Variants in PTPRG observed in about 807,000 individuals in gnomAD.
PTPRG encodes receptor-type tyrosine-protein phosphatase gamma.
A neutral mutation model predicts 165.3 loss-of-function variants in PTPRG; 102 were observed. The observed-to-expected ratio is 0.62, with a 90% CI of 0.53 to 0.73. The LOEUF (loss-of-function observed/expected upper bound fraction) is 0.73. Among genes scored for constraint, PTPRG ranks in the 30% least tolerant of loss-of-function variants. The pLI is 0.00. For synonymous variants in PTPRG, 675 were observed against 669.5 expected (o/e 1.01, Z -0.13); for missense variants, 1,866 against 1,861.4 (o/e 1.00, Z -0.05).
At chr3:61,657,031 T>C (rs535092587) in intron 1 of PTPRG, among the ~76,000 whole-genome samples, 6 of 152,312 alleles carry the variant, frequency 3.9e-5, no homozygotes, top group Middle Eastern at 3.4e-3. Flanking sequence ...AGCATATTTA[T>C]TGAATATCAG....
chr3:62,262,934 A>AT, intron 17 of PTPRG, 40 bp downstream of exon 17: 1 of 1,480,708 alleles, frequency 6.8e-7, no homozygotes, highest in Non-Finnish European at 9.4e-7. Context: ...CTGCGAGGAA[A>AT]TTAAATTTTC....
At chr3:62,279,964 CAT>C (rs1702372231) in intron 26 of PTPRG, among the ~76,000 whole-genome samples, 1 of 152,002 alleles carries the variant, frequency 6.6e-6, no homozygotes, top group African/African-American at 2.4e-5. Context: ...TGGTGTACAT[CAT>C]AATCATATTT....
At chr3:61,637,810 T>G (rs760118919) in intron 1 of PTPRG, among the ~76,000 whole-genome samples, 1 of 152,164 alleles carries the variant, frequency 6.6e-6, no homozygotes, top group Non-Finnish European at 1.5e-5. Flanking sequence ...CCCAGGAAAC[T>G]CCTGCCTACA....
chr3:61,609,454 A>T (rs1701105541), intron 1 of PTPRG, among the ~76,000 whole-genome samples: 1 of 152,224 alleles, frequency 6.6e-6, no homozygotes. Flanking sequence ...ATGTGGTATC[A>T]TCCACAGTTT....
At chr3:61,591,290 A>G (rs370480358) in intron 1 of PTPRG, among the ~76,000 whole-genome samples, 3 of 152,184 alleles carry the variant, frequency 2.0e-5, no homozygotes, top group Non-Finnish European at 4.4e-5. Context: ...ATGGTACTGG[A>G]TACCCGAGGG....
chr3:61,892,975 A>AT (rs2038258419), intron 2 of PTPRG, among the ~76,000 whole-genome samples: 8 of 152,226 alleles, frequency 5.3e-5, no homozygotes, highest in Admixed American at 4.6e-4. Flanking sequence ...ACAATACAGC[A>AT]TAAGAATCAA....
intron 3 of PTPRG, among the ~76,000 whole-genome samples, chr3:62,002,614 T>A (rs943159826): frequency 1.3e-5 from 2 of 152,188 alleles, no homozygotes; most frequent in Non-Finnish European, 2.9e-5. Context: ...AAATTTAGGG[T>A]TGGAATTTAG....
intron 4 of PTPRG, among the ~76,000 whole-genome samples, chr3:62,059,473 T>C (rs1477541090): frequency 2.0e-5 from 3 of 152,338 alleles, no homozygotes; most frequent in African/African-American, 7.2e-5. Context: ...AGACCTGGTA[T>C]GAAAGACATT....
intron 2 of PTPRG, among the ~76,000 whole-genome samples, chr3:61,807,933 A>G (rs969596027): frequency 1.3e-5 from 2 of 152,222 alleles, no homozygotes; most frequent in Admixed American, 6.5e-5. Flanking sequence ...ATATGGTTCA[A>G]CAAAGGCTCG....
intron 5 of PTPRG, among the ~76,000 whole-genome samples, chr3:62,080,061 CA>C (rs771252601): frequency 0.11 from 11,993 of 111,430 alleles, 1,122 homozygotes; most frequent in South Asian, 0.23. Context: ...CCCTTCGGTT[CA>C]TTTTTTTTTT....
At chr3:61,936,571 G>A (rs765161737) in intron 2 of PTPRG, among the ~76,000 whole-genome samples, 40 of 152,146 alleles carry the variant, frequency 2.6e-4, no homozygotes, top group South Asian at 8.3e-4. Flanking sequence ...TCGGTCTGCT[G>A]GAGGTACAGA....
intron 2 of PTPRG, among the ~76,000 whole-genome samples, chr3:61,870,149 C>A (rs1463953222): frequency 6.6e-6 from 1 of 151,418 alleles, no homozygotes; most frequent in African/African-American, 2.5e-5. Context: ...TATGAAATGC[C>A]CAGCATTATT....
chr3:61,923,923 C>G (rs1000501790), intron 2 of PTPRG, among the ~76,000 whole-genome samples: 6 of 152,032 alleles, frequency 3.9e-5, no homozygotes, highest in Non-Finnish European at 2.9e-5. Context: ...GTAAACGATT[C>G]ATCTTCGAGA....
At chr3:62,122,187 G>A (rs1039234270) in intron 5 of PTPRG, among the ~76,000 whole-genome samples, 1 of 152,132 alleles carries the variant, frequency 6.6e-6, no homozygotes, top group East Asian at 1.9e-4. Context: ...CAAATGCTCC[G>A]ACAGCTTTAA....
At chr3:61,816,998 A>G (rs1173272742) in intron 2 of PTPRG, among the ~76,000 whole-genome samples, 1 of 125,304 alleles carries the variant, frequency 8.0e-6, no homozygotes, top group Non-Finnish European at 1.6e-5. Flanking sequence ...TATATATATT[A>G]TATAATATAA....
Position 62,203,845 on chromosome 3 carries a change from C to G in PTPRG, c.2050C>G (p.Gln684Glu). 1 of 1,614,164 alleles carries G rather than the reference C, an allele frequency of 6.2e-7. No individual in the cohort carries two copies. The highest frequency in any genetic ancestry group is 1.1e-5 in the South Asian group (1 of 91,082). ...AGTGCCCCCCACCGCCACAGAGGAG[C>G]AGTATGCAGGGAGTGATCCCAAGAG... ...TQVPPTATEE[Q>E]YAGSDPKRPE... Residue 684 changes from glutamine to glutamate, a missense_variant, in exon 12 of 30, where the codon CAG becomes GAG. Transcript: ENST00000474889. This position sits in a 1 kb window ranked among gnomAD's most constrained non-coding sequence, Gnocchi z 6.4.
Position 61,567,951 on chromosome 3 carries a change from G to GT in PTPRG, c.85+5580dup, listed in dbSNP as rs200813375. ...ACTGCTCTCCAGCCTGGGCGACATA[G>GT]TGAGACCCTGCCTCAAAAAAAAAAA... On this transcript the variant is annotated intron_variant, in intron 1 of 29. Transcript: ENST00000474889. Among the ~76,000 whole-genome samples the GT allele has an allele frequency of 1.0e-3, 132 of 131,406 alleles. No homozygotes were observed. In the East Asian group the frequency reaches 0.019, roughly 19 times the overall value. The allele number at this position is 131,406 out of a possible 152,430, so 86.2% of individuals were successfully genotyped here. A position where few individuals can be genotyped will look rare whatever the true frequency, so the allele number is the denominator to read the frequency against.
chr3:61,651,747 C>T lies in PTPRG; in HGVS notation c.85+89375C>T, dbSNP rs150090486. ...TCAAATAGCCAGGTGTGGTGGCTCA[C>T]GCCTGGAATCCCAGCACTTTGGGAG... On this transcript the variant is annotated intron_variant, in intron 1 of 29. Coordinates refer to ENST00000474889, the MANE Select transcript of PTPRG (RefSeq NM_002841.4). Among the ~76,000 whole-genome samples, 1,420 of 152,276 alleles carry T rather than the reference C, an allele frequency of 9.3e-3. 27 individuals carry two copies. Among genetic ancestry groups the T allele is most frequent in the African/African-American group, 0.029 (1,203 of 41,570 alleles).
intron 2 of PTPRG, among the ~76,000 whole-genome samples, chr3:61,897,398 ATTTG>A (rs1290361560): frequency 1.3e-5 from 2 of 151,980 alleles, no homozygotes; most frequent in African/African-American, 2.4e-5. Flanking sequence ...AGTTGAGCAT[ATTTG>A]TTTGAGTCTA....
Sources: allele counts gnomAD v4.1 joint callset (sites outside exome capture counted in the v4.1 genomes callset), GRCh38; gene constraint gnomAD v4.1.1; non-coding constraint Gnocchi (gnomAD v3.1); transcripts MANE v1.5; gene names NCBI Gene and HGNC (gene_info 2026-07-23, HGNC 2026-07-21).